Variants in ARHGAP33 observed in about 807,000 individuals in gnomAD.
The protein encoded by ARHGAP33 is Rho GTPase activating protein 33, also known as rho GTPase-activating protein 33.
ARHGAP33 carries 57 observed loss-of-function variants against 126.2 expected under a neutral mutation model. That is an observed-to-expected ratio of 0.45 (90% CI 0.36 to 0.56). The LOEUF is 0.56. Ranked by LOEUF, ARHGAP33 falls within the 20% of genes least tolerant of loss-of-function variation. The pLI is 0.00. For missense variants in ARHGAP33, 1,500 were observed against 1,748.3 expected, an observed-to-expected ratio of 0.86 and a Z score of 2.53; for synonymous variants, 711 against 755.0, an observed-to-expected ratio of 0.94 and a Z score of 0.95.
In ARHGAP33 at chr19:35,788,023, C is replaced by T; in HGVS notation, c.3458C>T (p.Ser1153Leu). ...TTTCCCCCTGACCACCTTGGCTACT[C>T]AGCCCCCCAGCACCCTGCTCGGCGC... ...SCFPPDHLGYSAPQHPARRPT... is the reference protein window; with the variant it reads ...SCFPPDHLGYLAPQHPARRPT... Residue 1153 changes from serine (S) to leucine (L), a missense_variant, in exon 21 of 21, where the codon TCA becomes TTA. Coordinates refer to ENST00000007510, the MANE Select transcript of ARHGAP33 (RefSeq NM_001366178.1). 1.2e-6 allele frequency: 2 copies of T among 1,602,014 alleles called. No homozygotes were observed. Among genetic ancestry groups the T allele is most frequent in the East Asian group, 2.3e-5 (1 of 43,902 alleles).
intron 1 of ARHGAP33, among the ~76,000 whole-genome samples, chr19:35,777,388 G>A (rs1971510478): frequency 6.6e-6 from 1 of 152,076 alleles, no homozygotes; most frequent in Non-Finnish European, 1.5e-5. Flanking sequence ...AGGGAGAGAT[G>A]GGACCAGCAT....
In ARHGAP33 at chr19:35,778,609, G is replaced by T; in HGVS notation, c.408+8G>T. On this transcript the variant is annotated splice_region_variant and intron_variant, in intron 5 of 20. Coordinates refer to ENST00000007510, the MANE Select transcript of ARHGAP33 (RefSeq NM_001366178.1). ...GGTGCCAGGGCTGCCCAGGTAACCT[G>T]CTTGTTGTCTCAGCCCCTGCCTCAT... 4 of 1,611,620 alleles carry T rather than the reference G, an allele frequency of 2.5e-6. No homozygotes were observed. The highest frequency in any genetic ancestry group is 2.5e-6 in the Non-Finnish European group (3 of 1,178,976).
At chr19:35,785,715 T>C (rs1191206876) in intron 19 of ARHGAP33, 22 of 1,385,084 alleles carry the variant, frequency 1.6e-5, no homozygotes, top group Non-Finnish European at 2.0e-5. Context: ...TAAAAGTCTT[T>C]ATTATTCCTG....
chr19:35,788,520 C>T lies in ARHGAP33; in HGVS notation c.*91C>T, dbSNP rs913050145. 16 of 1,163,350 alleles carry T rather than the reference C, an allele frequency of 1.4e-5. No homozygotes were observed. Among genetic ancestry groups the T allele is most frequent in the Middle Eastern group, 5.8e-4 (2 of 3,450 alleles). 72.1% of individuals were successfully genotyped at this position (1,163,350 alleles called of 1,614,324 possible). On this transcript the variant is annotated 3_prime_UTR_variant, in exon 21 of 21. Coordinates refer to ENST00000007510, the MANE Select transcript of ARHGAP33 (RefSeq NM_001366178.1). Reference sequence around the variant, plus strand: ...CCTTGTTTTGTATTTTCTTGAACCCCGACCACTACCCCAGGTTTCTAACTT... The same window carrying T: ...CCTTGTTTTGTATTTTCTTGAACCCTGACCACTACCCCAGGTTTCTAACTT...
rs1015362416 is a variant in ARHGAP33 at position 35,775,632 on chromosome 19, G to A, written c.-27G>A. ...AACGGCGAGCGAGGGGTCGAGCGCG[G>A]CCGGGGCCTGAGGAGGCTACGCGAC... On this transcript the variant is annotated 5_prime_UTR_variant, in exon 1 of 21. Coordinates refer to ENST00000007510, the MANE Select transcript of ARHGAP33 (RefSeq NM_001366178.1). 1.3e-6 allele frequency: 2 copies of A among 1,528,160 alleles called. No individual in the cohort carries two copies. The highest frequency in any genetic ancestry group is 2.0e-5 in the Admixed American group (1 of 49,058). 94.7% of individuals were successfully genotyped at this position (1,528,160 alleles called of 1,614,324 possible).
intron 16 of ARHGAP33, chr19:35,784,626 C>T: frequency 1.6e-6 from 2 of 1,285,772 alleles, no homozygotes; most frequent in East Asian, 3.3e-5. Context: ...GACCCCGCCC[C>T]GGCCCCACCC....
At chr19:35,777,999 C>G in intron 3 of ARHGAP33, 91 bp downstream of exon 3, 2 of 1,455,118 alleles carry the variant, frequency 1.4e-6, no homozygotes, top group Non-Finnish European at 9.6e-7. Context: ...TGAAACTTAT[C>G]CCTGTGACTG....
At chr19:35,775,947 A>G (rs985712571) in intron 1 of ARHGAP33, among the ~76,000 whole-genome samples, 1 of 151,784 alleles carries the variant, frequency 6.6e-6, no homozygotes, top group Non-Finnish European at 1.5e-5. Flanking sequence ...GCGCCACCCA[A>G]GTGGCCCCTG....
Position 35,784,184 on chromosome 19 carries a change from G to A in ARHGAP33, c.1434G>A (p.Leu478=). 2.5e-6 allele frequency: 4 copies of A among 1,611,478 alleles called. No homozygotes were observed. Among genetic ancestry groups the A allele is most frequent in the Non-Finnish European group, 3.4e-6 (4 of 1,178,560 alleles). ...WAPNLLRSME[L]ESVGMGGAAA... is the part of the protein sequence containing the mutation. ...TCCTCCCACCCAGGTCCATGGAGCT[G>A]GAGTCAGTGGGAATGGGTGGCGCGG... The change falls in exon 16 of 21, where the codon CTG becomes CTA. Residue 478 remains leucine (L), a synonymous_variant. Coordinates refer to ENST00000007510, the MANE Select transcript of ARHGAP33 (RefSeq NM_001366178.1).
In ARHGAP33 at chr19:35,787,812, G is replaced by A. The variant is rs773307133; in HGVS notation, c.3247G>A (p.Glu1083Lys). Reference protein sequence around the residue: ...LGPPAPLDRGENLYYEIGASE... With the variant: ...LGPPAPLDRGKNLYYEIGASE... ...CCCCCCTGCACCACTCGACAGGGGAGAGAACCTGTACTATGAGATCGGGGC... is the reference window on the plus strand; with the variant it reads ...CCCCCCTGCACCACTCGACAGGGGAAAGAACCTGTACTATGAGATCGGGGC... The change falls in exon 21 of 21, where the codon GAG becomes AAG. Residue 1083 changes from glutamate (E) to lysine (K), a missense_variant. By Grantham distance (56) the Glu-to-Lys change is moderately conservative. Transcript: ENST00000007510. The A allele has an allele frequency of 2.5e-6, 4 of 1,601,302 alleles. No individual in the cohort carries two copies. The highest frequency in any genetic ancestry group is 1.1e-5 in the South Asian group (1 of 89,802).
At chr19:35,776,096 A>T (rs981732829) in intron 1 of ARHGAP33, among the ~76,000 whole-genome samples, 1 of 24,640 alleles carries the variant, frequency 4.1e-5, no homozygotes, top group African/African-American at 1.7e-4. Context: ...CCCGAGCCCC[A>T]CCCCCCACCC....
rs4806206 is a variant in ARHGAP33 at position 35,785,996 on chromosome 19, G to C, written c.1943-417G>C. The C allele has an allele frequency of 4.6e-6, 5 of 1,093,706 alleles. No homozygotes were observed. In the South Asian group the frequency reaches 9.7e-5, roughly 21 times the overall value. 67.8% of individuals were successfully genotyped at this position (1,093,706 alleles called of 1,614,324 possible). On this transcript the variant is annotated intron_variant, in intron 19 of 20. Coordinates refer to ENST00000007510, the MANE Select transcript of ARHGAP33 (RefSeq NM_001366178.1). ...TGGGGAGCTTGGCTTTTTCTCCATC[G>C]CTACCTCACAGCCCGCCGCGCTGCT... is the stretch of plus-strand genomic sequence containing the variant.
At position 35,787,397 on chromosome 19, in the gene ARHGAP33, G is replaced by A. The variant is rs1378699742; in HGVS notation, c.2832G>A (p.Leu944=). 1 of 1,610,006 alleles carries A rather than the reference G, an allele frequency of 6.2e-7. No homozygotes were observed. Among genetic ancestry groups the A allele is most frequent in the Non-Finnish European group, 8.5e-7 (1 of 1,178,092 alleles). The change falls in exon 21 of 21, where the codon CTG becomes CTA. Residue 944 remains leucine, a synonymous_variant. Transcript: ENST00000007510. Reference sequence around the variant, plus strand: ...CTCTGGAGGTGGGCGGGGAGCCCCTGGGGACCTCAGGGAGTGGGCCACCTC... The same window carrying A: ...CTCTGGAGGTGGGCGGGGAGCCCCTAGGGACCTCAGGGAGTGGGCCACCTC... ...SLSLEVGGEP[L]GTSGSGPPPN...
chr19:35,786,592 G>A lies in ARHGAP33; in HGVS notation c.2122G>A (p.Gly708Arg). The change falls in exon 20 of 21, where the codon GGG becomes AGG. Residue 708 changes from glycine to arginine, a missense_variant. Gly to Arg is a moderately radical substitution (Grantham distance 125, BLOSUM62 -2). Around this residue, in one of 6 missense-constraint regions of ARHGAP33, gnomAD observed 300 missense variants for 291.1 expected, o/e 1.03. Coordinates refer to ENST00000007510, the MANE Select transcript of ARHGAP33 (RefSeq NM_001366178.1). This position sits in a 1 kb window ranked among gnomAD's most constrained non-coding sequence, Gnocchi z 7.0. ...SSAAGLGALS[G>R]SPSHRTSAWL... ...AGCAGCTGGGCTGGGGGCACTCTCT[G>A]GGTCTCCCTCACACCGTACCTCAGC... The A allele has an allele frequency of 3.9e-6, 6 of 1,535,816 alleles. No individual in the cohort carries two copies. Among genetic ancestry groups the A allele is most frequent in the Non-Finnish European group, 5.2e-6 (6 of 1,146,786 alleles).
At chr19:35,778,757 G>A in intron 5 of ARHGAP33, 156 bp downstream of exon 5, 1 of 1,152,802 alleles carries the variant, frequency 8.7e-7, no homozygotes, top group Admixed American at 2.9e-5. Flanking sequence ...AACGTAGTAG[G>A]CTTCTGCTAC....
chr19:35,787,099 G>A (rs1210256662), intron 20 of ARHGAP33, 27 bp downstream of exon 20: 2 of 1,596,876 alleles, frequency 1.3e-6, no homozygotes. Context: ...CCCCACCCCT[G>A]TCCCCGCCAG....
chr19:35,788,749 ACTC>A lies in ARHGAP33; in HGVS notation c.*323_*325del, dbSNP rs1282804442. The A allele has an allele frequency of 5.4e-5, 16 of 295,278 alleles. No homozygotes were observed. The Middle Eastern group carries it at 2.9e-3, about 54-fold the overall frequency. 18.3% of individuals were successfully genotyped at this position (295,278 alleles called of 1,614,324 possible). ...ACCTGTGCACGGGGATGGGGGGACA[ACTC>A]CTACCCTTCTTTCCCCACATGCCCC... On this transcript the variant is annotated 3_prime_UTR_variant, in exon 21 of 21. Transcript: ENST00000007510.
At position 35,782,312 on chromosome 19, in the gene ARHGAP33, TG is replaced by T; in HGVS notation, c.1086-59del. ...CTTGGGGGTAGGGGCAAGGGGAGCA[TG>T]GCCACGTGAGCGAGCCCCTCTGACC... On this transcript the variant is annotated intron_variant, in intron 12 of 20. Coordinates refer to ENST00000007510, the MANE Select transcript of ARHGAP33 (RefSeq NM_001366178.1). This position sits in a 1 kb window ranked among gnomAD's most constrained non-coding sequence, Gnocchi z 4.1. The T allele has an allele frequency of 6.4e-7, 1 of 1,558,916 alleles. No individual in the cohort carries two copies. Among genetic ancestry groups the T allele is most frequent in the South Asian group, 1.2e-5 (1 of 83,702 alleles).
At position 35,786,831 on chromosome 19, in the gene ARHGAP33, C is replaced by A; in HGVS notation, c.2361C>A (p.Pro787=). Residue 787 remains proline, a synonymous_variant, in exon 20 of 21, where the codon CCC becomes CCA. Transcript: ENST00000007510. The surrounding 1 kb of genome is among the most constrained non-coding windows in gnomAD (Gnocchi z 7.0). ...QAISPRGPTS[P]ASPAALDISE... ...TCTCGCCCCGGGGGCCCACCAGCCC[C>A]GCCTCGCCTGCTGCCCTAGACATCT... The A allele has an allele frequency of 6.4e-7, 1 of 1,560,124 alleles. No homozygotes were observed.
Sources: allele counts gnomAD v4.1 joint callset (sites outside exome capture counted in the v4.1 genomes callset), GRCh38; gene constraint gnomAD v4.1.1; regional missense constraint gnomAD v4.1.1; non-coding constraint Gnocchi (gnomAD v3.1); transcripts MANE v1.5; gene names NCBI Gene and HGNC (gene_info 2026-07-23, HGNC 2026-07-21).